Variants in KNTC1 observed in about 807,000 individuals in gnomAD.
KNTC1 encodes the protein kinetochore-associated protein 1.
A neutral mutation model predicts 314.4 loss-of-function variants in KNTC1; 253 were observed. That is an observed-to-expected ratio of 0.80 (90% CI 0.73 to 0.89). The LOEUF is 0.89. KNTC1 is among the 40% of genes least tolerant of loss of function. KNTC1 has a pLI of 0.00. For synonymous variants in KNTC1, 901 were observed against 901.4 expected (o/e 1.00, Z 0.01); for missense variants, 2,475 against 2,572.9 (o/e 0.96, Z 0.82).
Position 122,546,680 on chromosome 12 carries a change from T to C in KNTC1, c.816+6T>C. 6.5e-7 allele frequency: 1 copy of C among 1,536,144 alleles called. No individual in the cohort carries two copies. Among genetic ancestry groups the C allele is most frequent in the Non-Finnish European group, 8.9e-7 (1 of 1,124,234 alleles). On this transcript the variant is annotated splice_donor_region_variant and intron_variant, in intron 10 of 63. Coordinates refer to ENST00000333479, the MANE Select transcript of KNTC1 (RefSeq NM_014708.6). ...TTTTTGTTCTTGATACTGATGTATGTTTCTTGTTTCTCCTTCAATGTTTTT... is the reference window on the plus strand; with the variant it reads ...TTTTTGTTCTTGATACTGATGTATGCTTCTTGTTTCTCCTTCAATGTTTTT...
chr12:122,610,322 A>G (rs1872984738), intron 52 of KNTC1, among the ~76,000 whole-genome samples: 1 of 152,228 alleles, frequency 6.6e-6, no homozygotes, highest in African/African-American at 2.4e-5. Flanking sequence ...CCAAAAGGCT[A>G]CTTAATGCAA....
At position 122,568,227 on chromosome 12, in the gene KNTC1, A is replaced by T. The variant is rs183763215; in HGVS notation, c.1605-34A>T. The T allele has an allele frequency of 7.6e-4, 793 of 1,048,956 alleles. 2 individuals carry two copies. In the African/African-American group the frequency reaches 0.011, roughly 14 times the overall value. The allele number at this position is 1,048,956 out of a possible 1,614,324, so 65.0% of individuals were successfully genotyped here. A position where few individuals can be genotyped will look rare whatever the true frequency, so the allele number is the denominator to read the frequency against. On this transcript the variant is annotated intron_variant, in intron 20 of 63. Coordinates refer to ENST00000333479, the MANE Select transcript of KNTC1 (RefSeq NM_014708.6). The stretch of plus-strand genomic sequence containing the variant: ...AAAAGGTATAACCTTAATTTTTTTT[A>T]AAACTGACTTTTTTCCCTTCTTTGT...
Position 122,597,899 on chromosome 12 carries a change from A to C in KNTC1, c.4524A>C (p.Thr1508=). ...ALEMVPLLTS[T]KDLVISLSGI... Reference sequence around the variant, plus strand: ...AGATGGTTCCTTTACTGACGAGCACAAAAGATTTGGTCATCAGTCTTAGTG... The same window carrying C: ...AGATGGTTCCTTTACTGACGAGCACCAAAGATTTGGTCATCAGTCTTAGTG... The change falls in exon 44 of 64, where the codon ACA becomes ACC. Residue 1508 remains threonine (T), a synonymous_variant. Coordinates refer to ENST00000333479, the MANE Select transcript of KNTC1 (RefSeq NM_014708.6). 1 of 1,614,066 alleles carries C rather than the reference A, an allele frequency of 6.2e-7. No individual in the cohort carries two copies. Among genetic ancestry groups the C allele is most frequent in the Non-Finnish European group, 8.5e-7 (1 of 1,179,898 alleles).
At chr12:122,614,745 A>G (rs993095116) in intron 55 of KNTC1, among the ~76,000 whole-genome samples, 1 of 151,960 alleles carries the variant, frequency 6.6e-6, no homozygotes, top group Non-Finnish European at 1.5e-5. Context: ...TCCAGGCATG[A>G]TGGCGGCCGC....
chr12:122,592,420 G>A (rs999595862), intron 42 of KNTC1, among the ~76,000 whole-genome samples: 2 of 152,234 alleles, frequency 1.3e-5, no homozygotes, highest in Non-Finnish European at 2.9e-5. Context: ...CGCACGGCAC[G>A]GGACTGGCAG....
chr12:122,550,457 T>C (rs1010740840), intron 13 of KNTC1, among the ~76,000 whole-genome samples: 1 of 152,206 alleles, frequency 6.6e-6, no homozygotes, highest in East Asian at 1.9e-4. Context: ...TTTTTTCTTA[T>C]GATCTAATCA....
Position 122,594,064 on chromosome 12 carries a change from A to G in KNTC1, c.4246-212A>G. On this transcript the variant is annotated intron_variant, in intron 42 of 63. Transcript: ENST00000333479. ...ATCAAACTTTTCAGATGAAGAGGCA[A>G]TGGTTAGGATGACTAAGAGGAGTTT... 4.0e-6 allele frequency: 2 copies of G among 504,040 alleles called. 1 individual carries two copies. Among genetic ancestry groups the G allele is most frequent in the South Asian group, 6.0e-5 (2 of 33,204 alleles). The allele number at this position is 504,040 out of a possible 1,614,324, so 31.2% of individuals were successfully genotyped here. A position where few individuals can be genotyped will look rare whatever the true frequency, so the allele number is the denominator to read the frequency against.
rs1326837305 is a variant in KNTC1, at chr12:122,601,617, A to G, written c.4645A>G (p.Ile1549Val). The change falls in exon 45 of 64, where the codon ATT becomes GTT. Residue 1549 changes from isoleucine to valine, a missense_variant. Physicochemically the swap from Ile to Val is conservative, Grantham distance 29. Transcript: ENST00000333479. ...RADEKITNIN[I>V]NQALSILKHL... ...TGATGAAAAGATAACCAATATTAAT[A>G]TTAATCAGGTATAACAAATATATCA... The G allele has an allele frequency of 8.6e-6, 13 of 1,519,070 alleles. No individual in the cohort carries two copies. Among genetic ancestry groups the G allele is most frequent in the Non-Finnish European group, 1.1e-5 (12 of 1,133,498 alleles). The allele number at this position is 1,519,070 out of a possible 1,614,324, so 94.1% of individuals were successfully genotyped here.
At chr12:122,625,798 T>G (rs1874970385) in intron 63 of KNTC1, among the ~76,000 whole-genome samples, 1 of 152,186 alleles carries the variant, frequency 6.6e-6, no homozygotes, top group Non-Finnish European at 1.5e-5. Flanking sequence ...AATTTTTACT[T>G]TGATCATATT....
intron 57 of KNTC1, 54 bp downstream of exon 57, chr12:122,615,580 C>T: frequency 7.0e-7 from 1 of 1,428,866 alleles, no homozygotes; most frequent in African/African-American, 1.4e-5. Flanking sequence ...TACTTTCTGG[C>T]CTTGTGACTG....
At chr12:122,572,733 A>G (rs1964779151) in intron 24 of KNTC1, among the ~76,000 whole-genome samples, 1 of 152,082 alleles carries the variant, frequency 6.6e-6, no homozygotes, top group Non-Finnish European at 1.5e-5. Flanking sequence ...TATTTTTTTA[A>G]GAGAAAATAT....
chr12:122,572,931 T>C lies in KNTC1; in HGVS notation c.2020-6T>C. 1.3e-6 allele frequency: 2 copies of C among 1,548,712 alleles called. No homozygotes were observed. Among genetic ancestry groups the C allele is most frequent in the South Asian group, 2.4e-5 (2 of 84,052 alleles). ...ATCGTTAACAACTTTAACACTTTTGTTTTAGAAAGATTATCAGAACACAGA... is the reference window on the plus strand; with the variant it reads ...ATCGTTAACAACTTTAACACTTTTGCTTTAGAAAGATTATCAGAACACAGA... On this transcript the variant is annotated splice_region_variant and splice_polypyrimidine_tract_variant and intron_variant, in intron 24 of 63. Coordinates refer to ENST00000333479, the MANE Select transcript of KNTC1 (RefSeq NM_014708.6).
At chr12:122,558,893 T>A (rs1963785738) in intron 18 of KNTC1, among the ~76,000 whole-genome samples, 1 of 151,870 alleles carries the variant, frequency 6.6e-6, no homozygotes, top group African/African-American at 2.4e-5. Context: ...AAACAAAACC[T>A]CTATGCCATT....
At chr12:122,590,422 C>T (rs115196318) in intron 40 of KNTC1, among the ~76,000 whole-genome samples, 185 bp from the exon 41 acceptor site, 8 of 152,096 alleles carry the variant, frequency 5.3e-5, no homozygotes, top group African/African-American at 1.9e-4. Context: ...TCTGTAGTGT[C>T]TATAATTCAA....
At chr12:122,585,242 A>C (rs773876042) in intron 36 of KNTC1, among the ~76,000 whole-genome samples, 1 of 151,954 alleles carries the variant, frequency 6.6e-6, no homozygotes, top group Non-Finnish European at 1.5e-5. Flanking sequence ...GGGTCTCACC[A>C]TCTTGTCTAG....
Position 122,538,349 on chromosome 12 carries a change from G to T in KNTC1, c.261G>T (p.Val87=), listed in dbSNP as rs1204004269. ...LQLHLVFDTE[V]DVVGLCQEGK... The stretch of plus-strand genomic sequence containing the variant: ...ATTTGAAATTTTCAGATACTGAAGT[G>T]GATGTAGTTGGCCTTTGTCAAGAAG... Residue 87 remains valine (V), a synonymous_variant, in exon 4 of 64, where the codon GTG becomes GTT. Transcript: ENST00000333479. The T allele has an allele frequency of 1.3e-6, 2 of 1,584,774 alleles. No homozygotes were observed. The highest frequency in any genetic ancestry group is 1.7e-6 in the Non-Finnish European group (2 of 1,160,626).
In KNTC1 at chr12:122,547,471, T is replaced by G; in HGVS notation, c.873T>G (p.Ser291=). The G allele has an allele frequency of 1.2e-6, 2 of 1,613,452 alleles. No individual in the cohort carries two copies. Among genetic ancestry groups the G allele is most frequent in the African/African-American group, 1.3e-5 (1 of 75,058 alleles). The change falls in exon 11 of 64, where the codon TCT becomes TCG. Residue 291 remains serine (S), a synonymous_variant. Transcript: ENST00000333479. The part of the protein sequence containing the change: ...YTLTPVWNWP[S]LHVEEFLLTT... ...TAACTCCTGTATGGAACTGGCCCTC[T>G]CTTCACGTAGAAGAGTTTCTTCTTA...
intron 39 of KNTC1, among the ~76,000 whole-genome samples, chr12:122,588,503 A>G (rs1261853729): frequency 6.6e-6 from 1 of 152,180 alleles, no homozygotes; most frequent in Admixed American, 6.5e-5. Context: ...CCTTGTCACC[A>G]ACACCACAGT....
chr12:122,544,080 T>A, intron 7 of KNTC1, 79 bp from the exon 8 acceptor site: 1 of 616,044 alleles, frequency 1.6e-6, no homozygotes, highest in Non-Finnish European at 2.7e-6. Flanking sequence ...TATAACTGAT[T>A]GATATCAACT....
Sources: gnomAD v4.1 joint callset for allele counts (sites outside exome capture counted in the v4.1 genomes callset) on GRCh38, gnomAD v4.1.1 for gene constraint, MANE v1.5 for transcripts, NCBI Gene and HGNC (gene_info 2026-07-23, HGNC 2026-07-21) for gene names.